CADPS2: variants seen among roughly 807,000 people sequenced by gnomAD.
The protein encoded by CADPS2 is calcium-dependent secretion activator 2.
A neutral mutation model predicts 172.5 loss-of-function variants in CADPS2; 93 were observed. The ratio of observed to expected loss-of-function variants is 0.54; its 90% confidence interval spans 0.46 to 0.64. CADPS2 has a LOEUF of 0.64. Ranked by LOEUF, CADPS2 falls within the 30% of genes least tolerant of loss-of-function variation. CADPS2 has a pLI of 0.00. For synonymous variants in CADPS2, 546 were observed against 555.2 expected, an observed-to-expected ratio of 0.98 and a Z score of 0.23; for missense variants, 1,420 against 1,565.9, an observed-to-expected ratio of 0.91 and a Z score of 1.57.
At chr7:122,843,053 C>T (rs1811007099) in intron 1 of CADPS2, among the ~76,000 whole-genome samples, 1 of 152,136 alleles carries the variant, frequency 6.6e-6, no homozygotes. Context: ...ATGCTTTAAT[C>T]TCATATAATT....
At chr7:122,327,966 C>T (rs193263385) in intron 28 of CADPS2, among the ~76,000 whole-genome samples, 34 of 151,716 alleles carry the variant, frequency 2.2e-4, no homozygotes, top group Admixed American at 7.2e-4. Flanking sequence ...CAAATAAGAA[C>T]GTATATTTTG....
At chr7:122,484,666 C>CTT (rs34182273) in intron 11 of CADPS2, among the ~76,000 whole-genome samples, 3 of 145,866 alleles carry the variant, frequency 2.1e-5, no homozygotes, top group Non-Finnish European at 1.5e-5. Context: ...TTAAGAATTT[C>CTT]TTTTTTTTTT....
chr7:122,422,237 G>T (rs1352201115), intron 17 of CADPS2, among the ~76,000 whole-genome samples: 1 of 152,160 alleles, frequency 6.6e-6, no homozygotes, highest in Non-Finnish European at 1.5e-5. Context: ...GTCACCTGGG[G>T]CACTCTCTGA....
chr7:122,849,900 C>A, intron 1 of CADPS2: 1 of 569,510 alleles, frequency 1.8e-6, no homozygotes, highest in South Asian at 1.6e-5. Flanking sequence ...CCAGCCCCTG[C>A]CCCAACCATG....
At chr7:122,472,621 C>CA (rs1478166800) in intron 13 of CADPS2, among the ~76,000 whole-genome samples, 1 of 152,134 alleles carries the variant, frequency 6.6e-6, no homozygotes, top group Non-Finnish European at 1.5e-5. Flanking sequence ...CGGTCAACAA[C>CA]AAAATCAAAA....
intron 27 of CADPS2, among the ~76,000 whole-genome samples, chr7:122,349,824 A>G (rs2038261454): frequency 6.6e-6 from 1 of 152,214 alleles, no homozygotes; most frequent in Non-Finnish European, 1.5e-5. Flanking sequence ...CTAATCCCAC[A>G]GGTGCAAGTC....
intron 1 of CADPS2, among the ~76,000 whole-genome samples, chr7:122,821,779 A>T (rs2140380452): frequency 6.6e-6 from 1 of 152,306 alleles, no homozygotes; most frequent in East Asian, 1.9e-4. Flanking sequence ...AAGGTCTTTT[A>T]AAAATACACC....
intron 17 of CADPS2, among the ~76,000 whole-genome samples, chr7:122,434,988 C>T (rs556458883): frequency 7.1e-6 from 1 of 139,956 alleles, no homozygotes; most frequent in South Asian, 2.4e-4. Context: ...ATTCATATAG[C>T]CTCAGGTTTT....
chr7:122,397,549 A>C (rs2045320581), intron 20 of CADPS2, among the ~76,000 whole-genome samples: 1 of 152,066 alleles, frequency 6.6e-6, no homozygotes, highest in Non-Finnish European at 1.5e-5. Flanking sequence ...TTCCAAAGAC[A>C]AGCTACAGAA....
intron 6 of CADPS2, among the ~76,000 whole-genome samples, chr7:122,584,672 C>T (rs933573261): frequency 9.2e-5 from 14 of 151,804 alleles, no homozygotes; most frequent in African/African-American, 2.7e-4. Context: ...TCTTCCATTC[C>T]GGGCAAGCAT....
intron 3 of CADPS2, among the ~76,000 whole-genome samples, chr7:122,653,415 C>T (rs541501812): frequency 1.2e-4 from 19 of 152,200 alleles, no homozygotes; most frequent in Non-Finnish European, 2.1e-4. Flanking sequence ...CCTGCCTCCC[C>T]AAGGCCTGCT....
chr7:122,758,767 A>G (rs1173232021), intron 1 of CADPS2, among the ~76,000 whole-genome samples: 1 of 152,152 alleles, frequency 6.6e-6, no homozygotes, highest in African/African-American at 2.4e-5. Flanking sequence ...CATTCACTCA[A>G]TTATTTTTCT....
chr7:122,407,518 G>A (rs907166237), intron 20 of CADPS2, 22 bp downstream of exon 20: 3 of 1,598,184 alleles, frequency 1.9e-6, no homozygotes, highest in South Asian at 2.3e-5. Context: ...TTTCACATAT[G>A]AAAGAAAACG....
At chr7:122,598,023 T>C (rs2072137600) in intron 6 of CADPS2, among the ~76,000 whole-genome samples, 1 of 152,108 alleles carries the variant, frequency 6.6e-6, no homozygotes, top group Non-Finnish European at 1.5e-5. Flanking sequence ...ACAGATGACA[T>C]TTTGTTGCCT....
intron 25 of CADPS2, among the ~76,000 whole-genome samples, chr7:122,366,440 T>TAAA (rs539508007): frequency 4.3e-4 from 59 of 135,880 alleles, no homozygotes; most frequent in African/African-American, 1.5e-3. Flanking sequence ...CCATCTCTAC[T>TAAA]AAAAAAAAAA....
chr7:122,677,292 A>G (rs1333522485), intron 2 of CADPS2, among the ~76,000 whole-genome samples: 1 of 152,190 alleles, frequency 6.6e-6, no homozygotes, highest in African/African-American at 2.4e-5. Flanking sequence ...AGGTGAGCAG[A>G]GATCTGAAGA....
chr7:122,645,697 C>G (rs1253463513), intron 3 of CADPS2, among the ~76,000 whole-genome samples: 1 of 116,148 alleles, frequency 8.6e-6, no homozygotes, highest in Non-Finnish European at 1.8e-5. Flanking sequence ...GGATTTTGCT[C>G]TTAGTTAGAT....
chr7:122,524,194 TAAA>T (rs1438026071), intron 8 of CADPS2, among the ~76,000 whole-genome samples: 2 of 152,198 alleles, frequency 1.3e-5, no homozygotes, highest in Non-Finnish European at 2.9e-5. Context: ...TGTTGACTAA[TAAA>T]AATACATTCT....
chr7:122,811,425 C>T (rs1799996554), intron 1 of CADPS2, among the ~76,000 whole-genome samples: 1 of 152,068 alleles, frequency 6.6e-6, no homozygotes, highest in Non-Finnish European at 1.5e-5. Context: ...TTTCTAGAGT[C>T]CAAAATGTAG....
Sources: allele counts gnomAD v4.1 joint callset (sites outside exome capture counted in the v4.1 genomes callset), GRCh38; gene constraint gnomAD v4.1.1; transcripts MANE v1.5; gene names NCBI Gene and HGNC (gene_info 2026-07-23, HGNC 2026-07-21).